Variants in USP46 observed in about 807,000 individuals in gnomAD.
USP46 encodes ubiquitin carboxyl-terminal hydrolase 46.
A neutral mutation model predicts 44.4 loss-of-function variants in USP46; 12 were observed. The observed-to-expected ratio is 0.27, with a 90% CI of 0.17 to 0.44. The LOEUF (loss-of-function observed/expected upper bound fraction) is 0.44, where lower values mean the gene tolerates loss of function less well. Among genes scored for constraint, USP46 ranks in the 20% least tolerant of loss-of-function variants. The pLI, the probability that USP46 is intolerant of heterozygous loss-of-function variation, is 1.00. For missense variants in USP46, 248 were observed against 444.8 expected (o/e 0.56, Z 3.98); for synonymous variants, 155 against 161.5 (o/e 0.96, Z 0.31).
At chr4:52,658,978 C>G (rs1370572717) in intron 1 of USP46, 137 bp downstream of exon 1, 2 of 1,094,904 alleles carry the variant, frequency 1.8e-6, no homozygotes, top group Non-Finnish European at 2.4e-6. Flanking sequence ...GCGCCCAGCT[C>G]GGGGGCCGGG....
chr4:52,607,609 A>G (rs117285639), intron 5 of USP46, among the ~76,000 whole-genome samples: 30 of 152,328 alleles, frequency 2.0e-4, no homozygotes, highest in Admixed American at 9.8e-4. Flanking sequence ...GTAGTCCCCA[A>G]TGTTGGAGGT....
At chr4:52,640,847 T>C (rs1718312058) in intron 1 of USP46, among the ~76,000 whole-genome samples, 1 of 149,024 alleles carries the variant, frequency 6.7e-6, no homozygotes, top group Admixed American at 6.7e-5. Flanking sequence ...AAAAATATAA[T>C]GAAAGTTTAG....
At chr4:52,638,649 TA>T (rs551654431) in intron 1 of USP46, among the ~76,000 whole-genome samples, 78 of 148,084 alleles carry the variant, frequency 5.3e-4, no homozygotes, top group East Asian at 9.7e-4. Context: ...TTTATATATA[TA>T]TTTTTTTTAT....
At chr4:52,640,932 T>C (rs1266370474) in intron 1 of USP46, among the ~76,000 whole-genome samples, 1 of 152,116 alleles carries the variant, frequency 6.6e-6, no homozygotes, top group Non-Finnish European at 1.5e-5. Context: ...CCATTTTTTT[T>C]TTTTTACCAC....
chr4:52,629,745 C>T (rs1667420691), intron 2 of USP46: 1 of 456,076 alleles, frequency 2.2e-6, no homozygotes, highest in South Asian at 1.5e-5. Context: ...AGCTTCATGT[C>T]AGGGTTTTAA....
chr4:52,622,082 T>G (rs975098414), intron 4 of USP46, among the ~76,000 whole-genome samples: 1 of 152,184 alleles, frequency 6.6e-6, no homozygotes, highest in South Asian at 2.1e-4. Context: ...GAAATACACA[T>G]GCGTATGTAT....
chr4:52,602,211 T>C (rs1355447390), intron 6 of USP46, among the ~76,000 whole-genome samples, 157 bp from the exon 7 acceptor site: 1 of 152,176 alleles, frequency 6.6e-6, no homozygotes, highest in East Asian at 1.9e-4. Flanking sequence ...TGCTGGCATA[T>C]ATAGAGCTGA....
At chr4:52,613,551 G>A (rs1454890914) in intron 4 of USP46, among the ~76,000 whole-genome samples, 2 of 151,832 alleles carry the variant, frequency 1.3e-5, no homozygotes, top group African/African-American at 2.4e-5. Context: ...ATAAAGCCCC[G>A]TCTCTACTAA....
intron 1 of USP46, among the ~76,000 whole-genome samples, chr4:52,632,698 G>C (rs1717879766): frequency 6.6e-6 from 1 of 151,292 alleles, no homozygotes; most frequent in Admixed American, 6.6e-5. Context: ...AACCTGTAGT[G>C]CCAGCTACTC....
Position 52,592,200 on chromosome 4 carries a change from T to G in USP46, c.*5440A>C, listed in dbSNP as rs924483292. 1 of 152,170 alleles carries G rather than the reference T, an allele frequency of 6.6e-6. No individual in the cohort carries two copies. Among genetic ancestry groups the G allele is most frequent in the African/African-American group, 2.4e-5 (1 of 41,430 alleles). 9.4% of individuals were successfully genotyped at this position (152,170 alleles called of 1,614,324 possible). The stretch of plus-strand genomic sequence containing the variant: ...TCTTCTGAGACAAAAAACGAGTCCA[T>G]AAGAGGGACCCAATCTGTGTCACCT... On this transcript the variant is annotated 3_prime_UTR_variant, in exon 9 of 9. Transcript: ENST00000441222.
At chr4:52,614,919 A>C (rs182853697) in intron 4 of USP46, among the ~76,000 whole-genome samples, 8 of 152,302 alleles carry the variant, frequency 5.3e-5, no homozygotes, top group Non-Finnish European at 8.8e-5. Flanking sequence ...TCTACATTTT[A>C]TGTGAAATAG....
chr4:52,616,035 A>AT (rs1361362152), intron 4 of USP46, among the ~76,000 whole-genome samples: 1 of 152,240 alleles, frequency 6.6e-6, no homozygotes, highest in African/African-American at 2.4e-5. Context: ...AAGGATCTGA[A>AT]TAACTTTATC....
intron 5 of USP46, among the ~76,000 whole-genome samples, chr4:52,606,866 C>A (rs1037263680): frequency 2.0e-5 from 3 of 152,206 alleles, no homozygotes; most frequent in African/African-American, 7.2e-5. Context: ...TTTCAGATTT[C>A]AAGTACATGG....
Position 52,631,049 on chromosome 4 carries a change from A to C in USP46, c.117+15T>G, listed in dbSNP as rs1478663408. On this transcript the variant is annotated intron_variant, in intron 2 of 8. Coordinates refer to ENST00000441222, the MANE Select transcript of USP46 (RefSeq NM_022832.4). ...CTAAAACATTTGATGAAAATAATAC[A>C]TTTTACATACTTACATTGACCAATC... is the stretch of plus-strand genomic sequence containing the variant. 1 of 1,551,316 alleles carries C rather than the reference A, an allele frequency of 6.4e-7. No individual in the cohort carries two copies. The highest frequency in any genetic ancestry group is 8.7e-7 in the Non-Finnish European group (1 of 1,145,650).
intron 2 of USP46, 72 bp from the exon 3 acceptor site, chr4:52,628,235 G>A (rs1717668355): frequency 1.1e-5 from 17 of 1,490,110 alleles, no homozygotes; most frequent in Non-Finnish European, 1.6e-5. Context: ...AGTGGTGAGG[G>A]TGAGAAGGTC....
At chr4:52,598,796 G>T in intron 7 of USP46, 90 bp from the exon 8 acceptor site, 1 of 1,276,598 alleles carries the variant, frequency 7.8e-7, no homozygotes, top group Non-Finnish European at 1.1e-6. Flanking sequence ...GTGATTCTCT[G>T]GGAAAAAAAA....
At chr4:52,612,394 T>C (rs1339394931) in intron 4 of USP46, among the ~76,000 whole-genome samples, 2 of 152,238 alleles carry the variant, frequency 1.3e-5, no homozygotes, top group African/African-American at 4.8e-5. Flanking sequence ...TTGCCTCTAC[T>C]GGCTTCTTTG....
At position 52,628,091 on chromosome 4, in the gene USP46, A is replaced by G. The variant is rs1039853519; in HGVS notation, c.190T>C (p.Leu64=). The G allele has an allele frequency of 6.2e-7, 1 of 1,613,982 alleles. No homozygotes were observed. ...TTCTTTTGCTGGGCCTTGTATGCCA[A>G]CACATTCTCCCGGAATGGACGGCAG... The part of the protein sequence containing the change: ...YFCRPFRENV[L]AYKAQQKKKE... Residue 64 remains leucine (L), a synonymous_variant, in exon 3 of 9, where the codon TTG becomes CTG. Coordinates refer to ENST00000441222, the MANE Select transcript of USP46 (RefSeq NM_022832.4).
intron 4 of USP46, among the ~76,000 whole-genome samples, chr4:52,625,764 A>T (rs1717557899): frequency 6.6e-6 from 1 of 152,142 alleles, no homozygotes; most frequent in South Asian, 2.1e-4. Flanking sequence ...GTAGACCCCA[A>T]AATTTCCCCA....
Sources: allele counts gnomAD v4.1 joint callset (sites outside exome capture counted in the v4.1 genomes callset), GRCh38; gene constraint gnomAD v4.1.1; transcripts MANE v1.5; gene names NCBI Gene and HGNC (gene_info 2026-07-23, HGNC 2026-07-21).